Variants in LRCOL1 observed in about 807,000 individuals in gnomAD.
The protein encoded by LRCOL1 is leucine-rich colipase-like protein 1.
Under a neutral mutation model 21.6 loss-of-function variants are expected in LRCOL1, and 21 were observed. The observed-to-expected ratio is 0.97, with a 90% CI of 0.69 to 1.40. The LOEUF is 1.40. LRCOL1 is among the 40% of genes most tolerant of loss of function. The pLI is 0.00. For synonymous variants in LRCOL1, 98 were observed against 90.1 expected, an observed-to-expected ratio of 1.09 and a Z score of -0.49; for missense variants, 198 against 202.3, an observed-to-expected ratio of 0.98 and a Z score of 0.13.
At chr12:132,608,912 T>C (rs1390669848) in intron 1 of LRCOL1, among the ~76,000 whole-genome samples, 1 of 152,218 alleles carries the variant, frequency 6.6e-6, no homozygotes, top group African/African-American at 2.4e-5. Context: ...TGGAGCACGA[T>C]GTGCCTGACA....
In LRCOL1 at chr12:132,604,454, C is replaced by T. The variant is rs781153766; in HGVS notation, c.354+8G>A. On this transcript the variant is annotated splice_region_variant and intron_variant, in intron 4 of 5. Transcript: ENST00000376608. ...CTGCTCCATCTGCCCCGGGTGCCCG[C>T]AGCTCACCTTGCGCCAGGGCACACA... 1.4e-5 allele frequency: 21 copies of T among 1,499,120 alleles called. No individual in the cohort carries two copies. In the African/African-American group the frequency reaches 3.3e-4, roughly 24 times the overall value. The allele number at this position is 1,499,120 out of a possible 1,614,324, so 92.9% of individuals were successfully genotyped here.
chr12:132,604,479 A>G lies in LRCOL1; in HGVS notation c.337T>C (p.Cys113Arg), dbSNP rs1180442059. The G allele has an allele frequency of 2.0e-6, 3 of 1,535,884 alleles. No homozygotes were observed. Among genetic ancestry groups the G allele is most frequent in the Admixed American group, 3.9e-5 (2 of 50,978 alleles). ...CAGCTCACCTTGCGCCAGGGCACAC[A>G]CTGCAGGAAGACGCTTTGGGGCGTG... ...LCTPQSVFLQ[C>R]VPWRKPNGDF... Residue 113 changes from cysteine to arginine, a missense_variant, in exon 4 of 6, where the codon TGT becomes CGT. Transcript: ENST00000376608.
chr12:132,607,365 G>A (rs568650131), intron 1 of LRCOL1, among the ~76,000 whole-genome samples: 6 of 152,196 alleles, frequency 3.9e-5, no homozygotes, highest in African/African-American at 4.8e-5. Context: ...AATTCAAAAC[G>A]ATTTCTCCAC....
At chr12:132,605,284 C>T (rs1438477793) in intron 2 of LRCOL1, 14 of 234,294 alleles carry the variant, frequency 6.0e-5, no homozygotes, top group Non-Finnish European at 9.8e-5. Context: ...CTGCTGTGTG[C>T]GCGACCTCTG....
chr12:132,603,980 C>T (rs1220504385), intron 5 of LRCOL1: 2 of 1,317,728 alleles, frequency 1.5e-6, no homozygotes, highest in East Asian at 3.2e-5. Context: ...GTCCTGGGTC[C>T]CCCTCCCCGC....
Position 132,605,196 on chromosome 12 carries a change from G to C in LRCOL1, c.106-365C>G, listed in dbSNP as rs941218222. 16 of 929,650 alleles carry C rather than the reference G, an allele frequency of 1.7e-5. No homozygotes were observed. The African/African-American group carries it at 2.9e-4, about 17-fold the overall frequency. The allele number at this position is 929,650 out of a possible 1,614,324, so 57.6% of individuals were successfully genotyped here. On this transcript the variant is annotated intron_variant, in intron 2 of 5. Transcript: ENST00000376608. ...CAAGGTGCCCAGGATTGCACAGCTG[G>C]CAGAGGTGAGCTGAGAGCCAGGCCT...
In LRCOL1 at chr12:132,604,442, C is replaced by T. The variant is rs2041274047; in HGVS notation, c.354+20G>A. The T allele has an allele frequency of 6.5e-7, 1 of 1,528,452 alleles. No homozygotes were observed. The highest frequency in any genetic ancestry group is 8.7e-7 in the Non-Finnish European group (1 of 1,144,952). The allele number at this position is 1,528,452 out of a possible 1,614,324, so 94.7% of individuals were successfully genotyped here. A position where few individuals can be genotyped will look rare whatever the true frequency, so the allele number is the denominator to read the frequency against. On this transcript the variant is annotated intron_variant, in intron 4 of 5. Transcript: ENST00000376608. ...CTCCGGCTACCCCTGCTCCATCTGC[C>T]CCGGGTGCCCGCAGCTCACCTTGCG...
chr12:132,606,139 G>C lies in LRCOL1; in HGVS notation c.105+8C>G, dbSNP rs764397333. On this transcript the variant is annotated splice_region_variant and intron_variant, in intron 2 of 5. Transcript: ENST00000376608. The surrounding 1 kb of genome is among the most constrained non-coding windows in gnomAD (Gnocchi z 4.6). ...CCTGCAGGGGCATCAGGGGTGCCCG[G>C]CACCCACCTTATGGGACAGGTTCAA... 1 of 1,536,032 alleles carries C rather than the reference G, an allele frequency of 6.5e-7. No homozygotes were observed. Among genetic ancestry groups the C allele is most frequent in the African/African-American group, 1.4e-5 (1 of 73,146 alleles).
intron 5 of LRCOL1, chr12:132,603,769 T>G: frequency 1.0e-6 from 1 of 985,400 alleles, no homozygotes; most frequent in Non-Finnish European, 1.2e-6. Context: ...GCTGGCGACC[T>G]GGCCCCCTCC....
intron 5 of LRCOL1, chr12:132,603,804 G>A (rs555361521): frequency 3.0e-6 from 3 of 985,432 alleles, no homozygotes; most frequent in East Asian, 1.1e-4. Context: ...TCAGCAGAGC[G>A]GGAGCCTGCA....
At chr12:132,604,108 G>C in intron 5 of LRCOL1, 146 bp downstream of exon 5, 3 of 1,432,952 alleles carry the variant, frequency 2.1e-6, no homozygotes, top group Non-Finnish European at 2.7e-6. Context: ...GGGCGGTGAA[G>C]CGCCGGCCTC....
intron 1 of LRCOL1, among the ~76,000 whole-genome samples, chr12:132,609,696 CA>C (rs897920353): frequency 3.3e-5 from 5 of 151,068 alleles, no homozygotes; most frequent in African/African-American, 9.7e-5. Context: ...GACTCCATCT[CA>C]AAAAAAAATT....
In LRCOL1 at chr12:132,606,172, T is replaced by A; in HGVS notation, c.80A>T (p.Gln27Leu). The A allele has an allele frequency of 1.3e-6, 2 of 1,536,466 alleles. No individual in the cohort carries two copies. Among genetic ancestry groups the A allele is most frequent in the Non-Finnish European group, 8.7e-7 (1 of 1,146,914 alleles). ...CTTATGGGACAGGTTCAACTTCTTC[T>A]GTGGCCCATACCCTGCCATGGACCC... Reference protein sequence around the residue: ...LLGSMAGYGPQKKLNLSHKGI... With the variant: ...LLGSMAGYGPLKKLNLSHKGI... The change falls in exon 2 of 6, where the codon CAG becomes CTG. Residue 27 changes from glutamine to leucine, a missense_variant. Coordinates refer to ENST00000376608, the MANE Select transcript of LRCOL1 (RefSeq NM_001195520.2). This position sits in a 1 kb window ranked among gnomAD's most constrained non-coding sequence, Gnocchi z 4.6.
chr12:132,605,048 C>T (rs1382340710), intron 2 of LRCOL1: 70 of 1,385,018 alleles, frequency 5.1e-5, no homozygotes, highest in Middle Eastern at 2.7e-4. Context: ...CTGTGAGCCA[C>T]GTGGAAGAGG....
Position 132,603,350 on chromosome 12 carries a change from G to T in LRCOL1, c.*52C>A, listed in dbSNP as rs561616119. The T allele has an allele frequency of 1.2e-4, 189 of 1,535,802 alleles. No homozygotes were observed. In the African/African-American group the frequency reaches 1.5e-3, roughly 12 times the overall value. On this transcript the variant is annotated 3_prime_UTR_variant, in exon 6 of 6. Transcript: ENST00000376608. ...CAGCCCCCGCGCAACGCGGTCCTGC[G>T]TGAACATCCCAGGGCCCAGGCCGGT...
chr12:132,607,947 C>T (rs1375741395), intron 1 of LRCOL1, among the ~76,000 whole-genome samples: 2 of 151,638 alleles, frequency 1.3e-5, no homozygotes, highest in East Asian at 3.9e-4. Context: ...CTCTCTTTCT[C>T]TGCCTCTCCC....
chr12:132,608,331 C>A (rs2041338285), intron 1 of LRCOL1, among the ~76,000 whole-genome samples: 1 of 152,208 alleles, frequency 6.6e-6, no homozygotes, highest in South Asian at 2.1e-4. Context: ...AGCCTCCCCG[C>A]TCCCAGCACT....
chr12:132,604,102 G>C (rs73479601), intron 5 of LRCOL1, 152 bp downstream of exon 5: 1 of 1,430,830 alleles, frequency 7.0e-7, no homozygotes, highest in Admixed American at 2.9e-5. Flanking sequence ...TGAGATGGGC[G>C]GTGAAGCGCC....
rs2041254783 is a variant in LRCOL1 at position 132,603,543 on chromosome 12, C to T, written c.478-139G>A. 2.7e-6 allele frequency: 4 copies of T among 1,499,396 alleles called. No individual in the cohort carries two copies. In the South Asian group the frequency reaches 3.7e-5, roughly 14 times the overall value. The allele number at this position is 1,499,396 out of a possible 1,614,324, so 92.9% of individuals were successfully genotyped here. Reference sequence around the variant, plus strand: ...TCGGGACAGCACCCAGAGGCCGACGCCCACGCTCAGCTCGCGAGAGGGACG... The same window carrying T: ...TCGGGACAGCACCCAGAGGCCGACGTCCACGCTCAGCTCGCGAGAGGGACG... On this transcript the variant is annotated intron_variant, in intron 5 of 5. Transcript: ENST00000376608.
Sources: gnomAD v4.1 joint callset for allele counts (sites outside exome capture counted in the v4.1 genomes callset) on GRCh38, gnomAD v4.1.1 for gene constraint, Gnocchi (gnomAD v3.1) non-coding constraint, MANE v1.5 for transcripts, NCBI Gene and HGNC (gene_info 2026-07-23, HGNC 2026-07-21) for gene names.